The following CAPZB variants were observed in gnomAD, a reference collection of about 807,000 sequenced individuals.
The protein encoded by CAPZB is F-actin-capping protein subunit beta.
In CAPZB, 2 loss-of-function variants were observed where a neutral mutation model predicts 38.1. The observed-to-expected ratio is 0.05, with a 90% CI of 0.02 to 0.17. CAPZB has a LOEUF of 0.17. Among genes scored for constraint, CAPZB ranks in the 10% least tolerant of loss-of-function variants. The pLI is 1.00. For missense variants in CAPZB, 161 were observed against 334.2 expected (o/e 0.48, Z 4.04); for synonymous variants, 107 against 127.4 (o/e 0.84, Z 1.08).
chr1:19,427,460 A>G (rs1297305725), intron 1 of CAPZB, among the ~76,000 whole-genome samples: 1 of 152,140 alleles, frequency 6.6e-6, no homozygotes, highest in Non-Finnish European at 1.5e-5. Context: ...TCACTTAACC[A>G]TGGTTTGTCT....
intron 4 of CAPZB, among the ~76,000 whole-genome samples, chr1:19,360,413 G>A (rs1186628847): frequency 6.6e-6 from 1 of 152,218 alleles, no homozygotes; most frequent in African/African-American, 2.4e-5. Context: ...TGGAAAGAAG[G>A]CTTGCAGCCC....
chr1:19,413,099 T>G (rs569534862), intron 2 of CAPZB, among the ~76,000 whole-genome samples: 1 of 152,358 alleles, frequency 6.6e-6, no homozygotes, highest in Admixed American at 6.5e-5. Flanking sequence ...CTACTCATCC[T>G]CAGAGCTTAT....
chr1:19,396,054 G>A (rs1023598897), intron 2 of CAPZB, among the ~76,000 whole-genome samples: 1 of 152,192 alleles, frequency 6.6e-6, no homozygotes, highest in Non-Finnish European at 1.5e-5. Flanking sequence ...ATTCGGCCAC[G>A]CCTGCCTCTT....
intron 1 of CAPZB, among the ~76,000 whole-genome samples, chr1:19,461,186 A>G (rs2094550751): frequency 6.6e-6 from 1 of 152,174 alleles, no homozygotes; most frequent in African/African-American, 2.4e-5. Context: ...ATGGATCTTC[A>G]TATGGGCTTA....
intron 4 of CAPZB, among the ~76,000 whole-genome samples, chr1:19,366,461 G>A (rs1047989977): frequency 7.9e-5 from 12 of 151,678 alleles, no homozygotes; most frequent in African/African-American, 2.7e-4. Context: ...AGCCGAGGCC[G>A]GCAGATCACC....
chr1:19,367,501 G>C (rs1031429731), intron 4 of CAPZB, among the ~76,000 whole-genome samples: 2 of 152,212 alleles, frequency 1.3e-5, no homozygotes, highest in Non-Finnish European at 2.9e-5. Context: ...ACAAAATGGA[G>C]AAAGATCAAT....
At chr1:19,380,964 T>C (rs1351951048) in intron 3 of CAPZB, among the ~76,000 whole-genome samples, 1 of 152,098 alleles carries the variant, frequency 6.6e-6, no homozygotes, top group Non-Finnish European at 1.5e-5. Flanking sequence ...GGTCAGGAGT[T>C]TGAGACAAGC....
chr1:19,432,341 C>A (rs921096714), intron 1 of CAPZB, among the ~76,000 whole-genome samples: 3 of 152,120 alleles, frequency 2.0e-5, no homozygotes, highest in Middle Eastern at 3.4e-3. Context: ...ACCCAGGAGG[C>A]TGAGGTATGA....
intron 1 of CAPZB, among the ~76,000 whole-genome samples, chr1:19,428,264 G>A (rs573481243): frequency 7.9e-5 from 12 of 152,142 alleles, no homozygotes; most frequent in East Asian, 1.9e-4. Flanking sequence ...TTAGCAGGGC[G>A]TGGTGGCAGA....
At chr1:19,385,855 C>T (rs1400024796) in intron 2 of CAPZB, 1 of 656,076 alleles carries the variant, frequency 1.5e-6, no homozygotes, top group South Asian at 1.5e-5. Context: ...ATTTCTAATA[C>T]AGTCTTCCTT....
At chr1:19,355,274 A>G (rs1470916667) in intron 6 of CAPZB, among the ~76,000 whole-genome samples, 1 of 152,166 alleles carries the variant, frequency 6.6e-6, no homozygotes, top group East Asian at 1.9e-4. Flanking sequence ...TGGGCGGATC[A>G]CTTGAGGTCA....
At chr1:19,347,051 G>C (rs966857620) in intron 6 of CAPZB, among the ~76,000 whole-genome samples, 3 of 151,298 alleles carry the variant, frequency 2.0e-5, no homozygotes, top group Admixed American at 2.0e-4. Flanking sequence ...ATGTTGGCCA[G>C]GCTGGTCTTG....
Position 19,365,695 on chromosome 1 carries a change from G to A in CAPZB, c.330-8132C>T, listed in dbSNP as rs576625457. Among the ~76,000 whole-genome samples the A allele has an allele frequency of 7.2e-5, 11 of 152,166 alleles. No homozygotes were observed. The East Asian group carries it at 1.7e-3, about 24-fold the overall frequency. The stretch of plus-strand genomic sequence containing the variant: ...AAAAAACACACAAAATTAGTCGGGC[G>A]TGGTGGTGCATGCCTGTAATCCCAG... On this transcript the variant is annotated intron_variant, in intron 4 of 8. Coordinates refer to ENST00000264202, the MANE Select transcript of CAPZB (RefSeq NM_004930.5).
chr1:19,396,721 A>T (rs1031466462), intron 2 of CAPZB, among the ~76,000 whole-genome samples: 4 of 151,318 alleles, frequency 2.6e-5, no homozygotes, highest in African/African-American at 9.7e-5. Context: ...CAGGAGGATC[A>T]CTTGAGGCCA....
chr1:19,408,105 GC>G (rs1023937093), intron 2 of CAPZB, among the ~76,000 whole-genome samples: 2 of 152,198 alleles, frequency 1.3e-5, no homozygotes, highest in Non-Finnish European at 2.9e-5. Flanking sequence ...CCAAGTCCTT[GC>G]AAACGTGCAC....
chr1:19,404,786 C>T (rs566888966), intron 2 of CAPZB, among the ~76,000 whole-genome samples: 16 of 152,268 alleles, frequency 1.1e-4, no homozygotes, highest in Admixed American at 9.2e-4. Flanking sequence ...GGATTCCAGC[C>T]GCTCCTGTCA....
rs1282723687 is a variant in CAPZB at position 19,345,347 on chromosome 1, A to G, written c.589-95T>C. On this transcript the variant is annotated intron_variant, in intron 6 of 8. Coordinates refer to ENST00000264202, the MANE Select transcript of CAPZB (RefSeq NM_004930.5). ...CACCTCCACGGTCTGCAAAGAGCCT[A>G]CTGTTCCCACCGTGGAGCCAGCTGC... is the stretch of plus-strand genomic sequence containing the variant. The G allele has an allele frequency of 5.9e-6, 6 of 1,011,488 alleles. No individual in the cohort carries two copies. In the African/African-American group the frequency reaches 9.5e-5, roughly 16 times the overall value. 62.7% of individuals were successfully genotyped at this position (1,011,488 alleles called of 1,614,324 possible).
In CAPZB at chr1:19,368,694, GTCTC is replaced by G. The variant is rs1176939002; in HGVS notation, c.329+9842_329+9845del. 1.7e-4 allele frequency among the ~76,000 whole-genome samples: 25 copies of G among 148,802 alleles called. 1 individual carries two copies. The highest frequency in any genetic ancestry group is 4.3e-4 in the South Asian group (2 of 4,700). On this transcript the variant is annotated intron_variant, in intron 4 of 8. Transcript: ENST00000264202. Reference sequence around the variant, plus strand: ...TTTTTTTTTTTTAATTAGACATGGGGTCTCTCTCTGTCACCCAGGCAGAAGTGTG... The same window carrying G: ...TTTTTTTTTTTTAATTAGACATGGGGTCTCTGTCACCCAGGCAGAAGTGTG...
At chr1:19,484,749 T>G (rs1400627125) in intron 1 of CAPZB, 1 of 1,033,840 alleles carries the variant, frequency 9.7e-7, no homozygotes, top group Non-Finnish European at 1.2e-6. Flanking sequence ...TGACGCAGGT[T>G]ACGCTAGGAG....
Sources: gnomAD v4.1 joint callset for allele counts (sites outside exome capture counted in the v4.1 genomes callset) on GRCh38, gnomAD v4.1.1 for gene constraint, MANE v1.5 for transcripts, NCBI Gene and HGNC (gene_info 2026-07-23, HGNC 2026-07-21) for gene names.